The following SLC19A1 variants were observed in gnomAD, a reference collection of about 807,000 sequenced individuals.
SLC19A1 encodes the protein solute carrier family 19 member 1.
Under a neutral mutation model 35.3 loss-of-function variants are expected in SLC19A1, and 37 were observed. The ratio of observed to expected loss-of-function variants is 1.05; its 90% confidence interval spans 0.81 to 1.38. The LOEUF is 1.38. Ranked by LOEUF, SLC19A1 falls within the 40% of genes most tolerant of loss-of-function variation. SLC19A1 has a pLI of 0.00. For missense variants in SLC19A1, 831 were observed against 826.9 expected, an observed-to-expected ratio of 1.00 and a Z score of -0.06; for synonymous variants, 460 against 398.5, an observed-to-expected ratio of 1.15 and a Z score of -1.84.
chr21:45,505,751 A>G (rs2146086439), intron 3 of SLC19A1: 2 of 1,106,990 alleles, frequency 1.8e-6, no homozygotes, highest in Middle Eastern at 5.6e-4. Context: ...GCCCCTGCCC[A>G]GCACCCTGAA....
chr21:45,519,692 C>T (rs1041170948), intron 5 of SLC19A1, among the ~76,000 whole-genome samples: 13 of 151,516 alleles, frequency 8.6e-5, no homozygotes, highest in Admixed American at 6.6e-4. Flanking sequence ...CAATCCCTAA[C>T]GTGTATGCAA....
chr21:45,512,350 C>A (rs375109205), downstream of SLC19A1: 44 of 1,612,656 alleles, frequency 2.7e-5, no homozygotes, highest in Non-Finnish European at 3.4e-5. Flanking sequence ...GCCATCACGC[C>A]TACATCGTGC....
intron 3 of SLC19A1, chr21:45,505,247 G>GC (rs756377988): frequency 1.9e-6 from 3 of 1,574,256 alleles, no homozygotes; most frequent in Non-Finnish European, 2.6e-6. Context: ...GCCCCCCAGG[G>GC]CCCCCTTCAT....
downstream of SLC19A1, chr21:45,509,545 C>A: frequency 1.3e-6 from 2 of 1,535,554 alleles, no homozygotes; most frequent in Middle Eastern, 1.8e-4. Context: ...CGTGCACCTG[C>A]GGCCGGCGCG....
chr21:45,562,353 C>T (rs1444935170), intron 1 of SLC19A1, among the ~76,000 whole-genome samples: 3 of 152,142 alleles, frequency 2.0e-5, no homozygotes, highest in Admixed American at 6.5e-5. Context: ...CCAGTGACTA[C>T]GGAACATTTG....
downstream of SLC19A1, chr21:45,509,640 C>A: frequency 9.3e-7 from 1 of 1,078,064 alleles, no homozygotes; most frequent in Non-Finnish European, 1.4e-6. Context: ...TCCATCTAGC[C>A]CCTCGGCTCT....
chr21:45,543,403 G>T (rs914367561), upstream of SLC19A1, among the ~76,000 whole-genome samples: 2 of 152,266 alleles, frequency 1.3e-5, no homozygotes, highest in African/African-American at 4.8e-5. Context: ...AACAGAAGGG[G>T]ACGGCCACCG....
Position 45,516,011 on chromosome 21 carries a change from C to T in SLC19A1, c.1423G>A (p.Ala475Thr). ...RQPPAQGLRS[A>T]AEEKAAQALS... is the part of the protein sequence containing the mutation. Reference sequence around the variant, plus strand: ...GCCTGTGCTGCCTTCTCCTCCGCGGCACTCCTCAGGCCCTGGGCCGGGGGC... The same window carrying T: ...GCCTGTGCTGCCTTCTCCTCCGCGGTACTCCTCAGGCCCTGGGCCGGGGGC... The change falls in exon 6 of 6, where the codon GCC becomes ACC. Residue 475 changes from alanine to threonine, a missense_variant. Ala to Thr is a moderately conservative substitution (Grantham distance 58, BLOSUM62 0). Transcript: ENST00000311124. 1 of 1,573,414 alleles carries T rather than the reference C, an allele frequency of 6.4e-7. No homozygotes were observed. Among genetic ancestry groups the T allele is most frequent in the Non-Finnish European group, 8.6e-7 (1 of 1,160,580 alleles).
intron 5 of SLC19A1, among the ~76,000 whole-genome samples, chr21:45,516,436 C>T (rs1420021308): frequency 6.6e-6 from 1 of 152,220 alleles, no homozygotes; most frequent in Non-Finnish European, 1.5e-5. Context: ...TCCCGAGTCC[C>T]CTGCTTGGTG....
Position 45,526,189 on chromosome 21 carries a change from G to C in SLC19A1, c.1152-231C>G, listed in dbSNP as rs2077613201. Reference sequence around the variant, plus strand: ...GAGGGGCCATTCTGGGAGCTGCCGTGTCCCCCTGGCTCAGTACAGAGTGAG... The same window carrying C: ...GAGGGGCCATTCTGGGAGCTGCCGTCTCCCCCTGGCTCAGTACAGAGTGAG... On this transcript the variant is annotated intron_variant, in intron 4 of 5. Transcript: ENST00000311124. 2.6e-5 allele frequency among the ~76,000 whole-genome samples: 4 copies of C among 152,230 alleles called. No homozygotes were observed. In the South Asian group the frequency reaches 8.3e-4, roughly 31 times the overall value.
chr21:45,551,668 T>A (rs1188290819), intron 1 of SLC19A1, among the ~76,000 whole-genome samples: 2 of 152,220 alleles, frequency 1.3e-5, no homozygotes, highest in Admixed American at 1.3e-4. Flanking sequence ...TTTTGTGAAA[T>A]TGTTTTGAGC....
At position 45,505,166 on chromosome 21, in the gene SLC19A1, C is replaced by T. The variant is rs555990845; in HGVS notation, c.498-6554G>A. 1.3e-5 allele frequency: 21 copies of T among 1,607,590 alleles called. No homozygotes were observed. Among genetic ancestry groups the T allele is most frequent in the Middle Eastern group, 3.3e-4 (2 of 6,064 alleles). Reference sequence around the variant, plus strand: ...AGGGAGAGAGCATCCGGGGCCAGCCCGGCCCACCTGGACCTCAGGGACCCC... The same window carrying T: ...AGGGAGAGAGCATCCGGGGCCAGCCTGGCCCACCTGGACCTCAGGGACCCC... On this transcript the variant is annotated intron_variant, in intron 3 of 4. Transcript: ENST00000417954.
rs56204227 is a variant in SLC19A1 at position 45,514,259 on chromosome 21, C to CCCA, written c.*1398_*1399insTGG. Reference sequence around the variant, plus strand: ...AGCCCAGGAAATGGCTGGTGCAGACCCCCCCCCAAGCAGGGTCCCCAGGGT... The same window carrying CCCA: ...AGCCCAGGAAATGGCTGGTGCAGACCCCACCCCCCCAAGCAGGGTCCCCAGGGT... On this transcript the variant is annotated 3_prime_UTR_variant, in exon 6 of 6. Transcript: ENST00000311124. 1 of 151,398 alleles carries CCCA rather than the reference C, an allele frequency of 6.6e-6. No individual in the cohort carries two copies. Among genetic ancestry groups the CCCA allele is most frequent in the Non-Finnish European group, 1.5e-5 (1 of 68,040 alleles). The allele number at this position is 151,398 out of a possible 1,614,324, so 9.4% of individuals were successfully genotyped here.
At chr21:45,516,772 G>C (rs1353275193) in intron 5 of SLC19A1, among the ~76,000 whole-genome samples, 1 of 152,204 alleles carries the variant, frequency 6.6e-6, no homozygotes, top group Non-Finnish European at 1.5e-5. Context: ...AGGTGCAGAG[G>C]GTTCAGGAGG....
Position 45,517,914 on chromosome 21 carries a change from C to T in SLC19A1, c.1294-1774G>A, listed in dbSNP as rs753790521. ...CGAGGTGCACACCCCGCTTGACCTG[C>T]AGGAGTTGCGTCAGCCACAACAGGA... On this transcript the variant is annotated intron_variant, in intron 5 of 5. Transcript: ENST00000311124. The surrounding 1 kb of genome is among the most constrained non-coding windows in gnomAD (Gnocchi z 4.4). Among the ~76,000 whole-genome samples, 24 of 152,180 alleles carry T rather than the reference C, an allele frequency of 1.6e-4. No homozygotes were observed. Among genetic ancestry groups the T allele is most frequent in the Admixed American group, 3.3e-4 (5 of 15,280 alleles).
At chr21:45,553,577 C>T (rs955367882) in intron 1 of SLC19A1, among the ~76,000 whole-genome samples, 11 of 150,886 alleles carry the variant, frequency 7.3e-5, no homozygotes, top group East Asian at 2.0e-4. Context: ...AGAACTCTTT[C>T]GTCCTGCAAA....
chr21:45,521,038 A>G (rs2077424002), intron 5 of SLC19A1, among the ~76,000 whole-genome samples: 1 of 151,256 alleles, frequency 6.6e-6, no homozygotes, highest in Admixed American at 6.6e-5. Flanking sequence ...AAAAAAACAA[A>G]CGAAAAAAAG....
intron 4 of SLC19A1, among the ~76,000 whole-genome samples, chr21:45,529,380 C>A (rs2077767074): frequency 6.6e-6 from 1 of 152,118 alleles, no homozygotes; most frequent in South Asian, 2.1e-4. Context: ...AGGGGGATGA[C>A]CCACGGAGGG....
intron 1 of SLC19A1, among the ~76,000 whole-genome samples, chr21:45,556,733 A>T (rs1232492942): frequency 6.6e-6 from 1 of 152,046 alleles, no homozygotes; most frequent in Non-Finnish European, 1.5e-5. Flanking sequence ...TCTGTGGCTG[A>T]TCTGTCTCTG....
Sources: gnomAD v4.1 joint callset for allele counts (sites outside exome capture counted in the v4.1 genomes callset) on GRCh38, gnomAD v4.1.1 for gene constraint, Gnocchi (gnomAD v3.1) non-coding constraint, MANE v1.5 for transcripts, NCBI Gene and HGNC (gene_info 2026-07-23, HGNC 2026-07-21) for gene names.